COL5A2: variants seen among roughly 807,000 people sequenced by gnomAD.
COL5A2 encodes collagen alpha-2(V) chain.
A neutral mutation model predicts 208.2 loss-of-function variants in COL5A2; 23 were observed. That is an observed-to-expected ratio of 0.11 (90% CI 0.08 to 0.16). COL5A2 has a LOEUF of 0.16. COL5A2 is among the 10% of genes least tolerant of loss of function. COL5A2 has a pLI of 1.00. For synonymous variants in COL5A2, 625 were observed against 628.5 expected (o/e 0.99, Z 0.08); for missense variants, 1,590 against 1,956.4 (o/e 0.81, Z 3.53).
chr2:189,196,007 G>A (rs1263126985), intron 1 of COL5A2, among the ~76,000 whole-genome samples: 1 of 152,122 alleles, frequency 6.6e-6, no homozygotes, highest in Admixed American at 6.5e-5. Context: ...ACTATCATCA[G>A]AGTGAACAGG....
At chr2:189,099,092 A>T (rs1686996435) in intron 4 of COL5A2, among the ~76,000 whole-genome samples, 1 of 152,198 alleles carries the variant, frequency 6.6e-6, no homozygotes, top group South Asian at 2.1e-4. Context: ...TGGAAACTTA[A>T]ATGTAAAATG....
the COL5A2 span, among the ~76,000 whole-genome samples, chr2:189,431,065 G>A: frequency 6.6e-6 from 1 of 152,162 alleles, no homozygotes; most frequent in Non-Finnish European, 1.5e-5. Flanking sequence ...GGTCTGGAGT[G>A]GACCTCCAGC....
chr2:189,338,990 G>C, the COL5A2 span, among the ~76,000 whole-genome samples: 1 of 152,098 alleles, frequency 6.6e-6, no homozygotes, highest in East Asian at 1.9e-4. Flanking sequence ...TTGTGAATCA[G>C]ACTCTGCATA....
chr2:189,133,632 C>G (rs534436299), intron 1 of COL5A2, among the ~76,000 whole-genome samples: 98 of 152,144 alleles, frequency 6.4e-4, no homozygotes, highest in African/African-American at 2.2e-3. Flanking sequence ...GAACTAAGAG[C>G]GTCAGGCAGC....
Position 189,062,930 on chromosome 2 carries a change from C to T in COL5A2, c.1924-12G>A, listed in dbSNP as rs763972640. Reference sequence around the variant, plus strand: ...TTTCCAGGAGCTCCCTAGTATCACACACAGATATTTGTGAGGTGAGTCTAT... The same window carrying T: ...TTTCCAGGAGCTCCCTAGTATCACATACAGATATTTGTGAGGTGAGTCTAT... On this transcript the variant is annotated splice_polypyrimidine_tract_variant and intron_variant, in intron 28 of 53. Transcript: ENST00000374866. 6.2e-7 allele frequency: 1 copy of T among 1,614,080 alleles called. No homozygotes were observed. Among genetic ancestry groups the T allele is most frequent in the Non-Finnish European group, 8.5e-7 (1 of 1,179,996 alleles).
At chr2:189,142,246 T>C (rs903360257) in intron 1 of COL5A2, among the ~76,000 whole-genome samples, 1 of 152,048 alleles carries the variant, frequency 6.6e-6, no homozygotes, top group African/African-American at 2.4e-5. Flanking sequence ...TATTTAAACA[T>C]CTATACTTCC....
At chr2:189,213,545 G>T (rs1438316602) in intron 1 of COL5A2, among the ~76,000 whole-genome samples, 1 of 152,166 alleles carries the variant, frequency 6.6e-6, no homozygotes, top group African/African-American at 2.4e-5. Flanking sequence ...AGGAAATATA[G>T]AGGGAAGAGG....
At chr2:189,440,532 T>C in the COL5A2 span, among the ~76,000 whole-genome samples, 1 of 152,356 alleles carries the variant, frequency 6.6e-6, no homozygotes, top group African/African-American at 2.4e-5. Context: ...GGAATCACCA[T>C]GTTATATGCA....
At chr2:189,102,731 A>C (rs1357712233) in intron 3 of COL5A2, among the ~76,000 whole-genome samples, 4 of 152,146 alleles carry the variant, frequency 2.6e-5, no homozygotes, top group Non-Finnish European at 4.4e-5. Flanking sequence ...AGGTTCAGTA[A>C]TTATGTTGGA....
the COL5A2 span, among the ~76,000 whole-genome samples, chr2:189,325,923 C>G: frequency 1.3e-5 from 2 of 151,878 alleles, no homozygotes; most frequent in Admixed American, 1.3e-4. Context: ...ATGGTGAAAC[C>G]CCATCTCTAC....
chr2:189,344,246 A>C, the COL5A2 span, among the ~76,000 whole-genome samples: 9 of 152,330 alleles, frequency 5.9e-5, 1 homozygote, highest in South Asian at 1.2e-3. Flanking sequence ...AATCCAATGA[A>C]GGATATGAAC....
chr2:189,089,478 G>A (rs1193816996), intron 7 of COL5A2, among the ~76,000 whole-genome samples: 1 of 152,106 alleles, frequency 6.6e-6, no homozygotes, highest in Non-Finnish European at 1.5e-5. Context: ...TCTACAATCT[G>A]TTGAGAAAAA....
At chr2:189,312,240 C>A in the COL5A2 span, among the ~76,000 whole-genome samples, 2 of 152,296 alleles carry the variant, frequency 1.3e-5, no homozygotes, top group Non-Finnish European at 2.9e-5. Context: ...GGTCTCCAGG[C>A]TCCTCACTCT....
chr2:189,307,122 GA>G, the COL5A2 span, among the ~76,000 whole-genome samples: 2 of 152,050 alleles, frequency 1.3e-5, no homozygotes, highest in African/African-American at 4.8e-5. Context: ...CTTCAAAGGT[GA>G]AAAAGAGATT....
intron 1 of COL5A2, among the ~76,000 whole-genome samples, chr2:189,222,844 T>C (rs1408804091): frequency 6.6e-6 from 1 of 152,118 alleles, no homozygotes; most frequent in African/African-American, 2.4e-5. Context: ...GAATACAGTA[T>C]ATCACCAAGC....
the COL5A2 span, among the ~76,000 whole-genome samples, chr2:189,326,892 G>GA: frequency 6.6e-6 from 1 of 151,896 alleles, no homozygotes; most frequent in Non-Finnish European, 1.5e-5. Context: ...CCAGCATGGT[G>GA]AAACCACATC....
rs115369115 is a variant in COL5A2 at position 189,168,422 on chromosome 2, T to G, written c.97+11086A>C. ...ATCTTTCCATGGTAGTCAGTTAACCTCACTGTCCAATCCACTTCACCAAAA... is the reference window on the plus strand; with the variant it reads ...ATCTTTCCATGGTAGTCAGTTAACCGCACTGTCCAATCCACTTCACCAAAA... On this transcript the variant is annotated intron_variant, in intron 1 of 53. Transcript: ENST00000374866. Among the ~76,000 whole-genome samples the G allele has an allele frequency of 7.4e-3, 1,127 of 152,154 alleles. 5 individuals carry two copies. The highest frequency in any genetic ancestry group is 0.012 in the Non-Finnish European group (800 of 68,000).
intron 1 of COL5A2, among the ~76,000 whole-genome samples, chr2:189,188,334 G>A (rs1343839714): frequency 6.6e-6 from 1 of 152,120 alleles, no homozygotes; most frequent in Admixed American, 6.5e-5. Flanking sequence ...AAAGGCAAAT[G>A]AAAATGAAAT....
the COL5A2 span, among the ~76,000 whole-genome samples, chr2:189,425,509 C>T: frequency 6.6e-6 from 1 of 152,234 alleles, no homozygotes; most frequent in East Asian, 1.9e-4. Flanking sequence ...AAATACTATG[C>T]AGCCATAAAA....
Sources: gnomAD v4.1 joint callset for allele counts (sites outside exome capture counted in the v4.1 genomes callset) on GRCh38, gnomAD v4.1.1 for gene constraint, MANE v1.5 for transcripts, NCBI Gene and HGNC (gene_info 2026-07-23, HGNC 2026-07-21) for gene names.